CREG1: variants seen among roughly 807,000 people sequenced by gnomAD.
CREG1 encodes the protein protein CREG1.
CREG1 carries 20 observed loss-of-function variants against 19.9 expected under a neutral mutation model. The ratio of observed to expected loss-of-function variants is 1.01; its 90% CI spans 0.71 to 1.46. The LOEUF (loss-of-function observed/expected upper bound fraction) is 1.46. Among genes scored for constraint, CREG1 ranks in the 40% most tolerant of loss-of-function variants. CREG1 has a pLI of 0.00. For missense variants in CREG1, 290 were observed against 314.9 expected (o/e 0.92, Z 0.60); for synonymous variants, 141 against 143.3 (o/e 0.98, Z 0.12).
intron 3 of CREG1, among the ~76,000 whole-genome samples, chr1:167,544,100 T>C (rs926886809): frequency 8.5e-5 from 13 of 152,238 alleles, no homozygotes; most frequent in African/African-American, 2.7e-4. Context: ...TTGTAATTGC[T>C]ACCTCTATAT....
chr1:167,544,070 T>C (rs949561981), intron 3 of CREG1, among the ~76,000 whole-genome samples: 2 of 152,322 alleles, frequency 1.3e-5, no homozygotes, highest in Non-Finnish European at 2.9e-5. Context: ...ATCCTGATAA[T>C]TTGTTGCCAG....
At position 167,553,442 on chromosome 1, in the gene CREG1, G is replaced by A. The variant is rs369733737; in HGVS notation, c.300C>T (p.Ser100=). The A allele has an allele frequency of 5.2e-4, 774 of 1,478,606 alleles. 10 individuals are homozygous for A. The South Asian group carries it at 9.4e-3, about 18-fold the overall frequency. 91.6% of individuals were successfully genotyped at this position (1,478,606 alleles called of 1,614,324 possible). A position where few individuals can be genotyped will look rare whatever the true frequency, so the allele number is the denominator to read the frequency against. ...GGCTCAGGTAGAAATAGGGCACGCC[G>A]CTGCCCGCGCCCGGGGGCCCGTCGC... ...SLSDGPPGAG[S]GVPYFYLSPL... is the part of the protein sequence containing the mutation. The change falls in exon 1 of 4, where the codon AGC becomes AGT. Residue 100 remains serine, a synonymous_variant. Coordinates refer to ENST00000370509, the MANE Select transcript of CREG1 (RefSeq NM_003851.3).
chr1:167,553,550 G>A lies in CREG1; in HGVS notation c.192C>T (p.His64=), dbSNP rs1340800437. 8.2e-6 allele frequency: 12 copies of A among 1,470,810 alleles called. No homozygotes were observed. Among genetic ancestry groups the A allele is most frequent in the South Asian group, 1.3e-5 (1 of 77,710 alleles). 91.1% of individuals were successfully genotyped at this position (1,470,810 alleles called of 1,614,324 possible). A position where few individuals can be genotyped will look rare whatever the true frequency, so the allele number is the denominator to read the frequency against. The change falls in exon 1 of 4, where the codon CAC becomes CAT. Residue 64 remains histidine (H), a synonymous_variant. Transcript: ENST00000370509. ...DAARVARFVT[H]VSDWGALATI... ...TGGCCAGAGCGCCCCAGTCGGAGAC[G>A]TGCGTCACGAAGCGGGCCACGCGCG...
chr1:167,546,028 C>T (rs1656312694), intron 3 of CREG1, 73 bp downstream of exon 3: 1 of 1,328,824 alleles, frequency 7.5e-7, no homozygotes, highest in Non-Finnish European at 1.0e-6. Flanking sequence ...AACGGTTAAA[C>T]CCCCCTTGCC....
intron 2 of CREG1, 55 bp downstream of exon 2, chr1:167,547,947 T>C (rs1489046707): frequency 1.5e-5 from 23 of 1,560,380 alleles, no homozygotes; most frequent in Non-Finnish European, 1.9e-5. Context: ...ATTCTTTCAT[T>C]GTGAATACGA....
At chr1:167,550,953 G>T (rs141438917) in intron 1 of CREG1, among the ~76,000 whole-genome samples, 204 of 152,256 alleles carry the variant, frequency 1.3e-3, no homozygotes, top group African/African-American at 4.7e-3. Context: ...ACAGAAAGGG[G>T]CACATCACAA....
At chr1:167,546,991 A>G (rs1230333698) in intron 2 of CREG1, among the ~76,000 whole-genome samples, 1 of 152,270 alleles carries the variant, frequency 6.6e-6, no homozygotes, top group East Asian at 1.9e-4. Flanking sequence ...AAATGTTTAG[A>G]AACCACATAA....
rs917070585 is a variant in CREG1, at chr1:167,542,168, A to G, written c.*130T>C. On this transcript the variant is annotated 3_prime_UTR_variant, in exon 4 of 4. Transcript: ENST00000370509. Reference sequence around the variant, plus strand: ...AACAAGCAAGTAAACAAGCAAGCAAACAAACCAGCATGTGACAGAAAACTG... The same window carrying G: ...AACAAGCAAGTAAACAAGCAAGCAAGCAAACCAGCATGTGACAGAAAACTG... 42 of 752,940 alleles carry G rather than the reference A, an allele frequency of 5.6e-5. No homozygotes were observed. The highest frequency in any genetic ancestry group is 8.2e-5 in the Non-Finnish European group (40 of 490,510). 46.6% of individuals were successfully genotyped at this position (752,940 alleles called of 1,614,324 possible).
At chr1:167,546,590 C>T (rs1256129827) in intron 2 of CREG1, among the ~76,000 whole-genome samples, 2 of 151,762 alleles carry the variant, frequency 1.3e-5, no homozygotes, top group African/African-American at 4.8e-5. Flanking sequence ...TGCGGTGAGC[C>T]GAGATCGTGC....
chr1:167,542,268 T>C lies in CREG1; in HGVS notation c.*30A>G. ...GTATGAGCCACTTTAAGAAACTTCATAAGTGTTGCTAAATTCACCACAGTC... is the reference window on the plus strand; with the variant it reads ...GTATGAGCCACTTTAAGAAACTTCACAAGTGTTGCTAAATTCACCACAGTC... On this transcript the variant is annotated 3_prime_UTR_variant, in exon 4 of 4. Transcript: ENST00000370509. 1 of 1,595,484 alleles carries C rather than the reference T, an allele frequency of 6.3e-7. No homozygotes were observed. The highest frequency in any genetic ancestry group is 8.5e-7 in the Non-Finnish European group (1 of 1,172,658).
intron 1 of CREG1, among the ~76,000 whole-genome samples, chr1:167,551,531 G>A (rs1031315257): frequency 4.6e-5 from 7 of 152,170 alleles, no homozygotes; most frequent in Non-Finnish European, 1.0e-4. Context: ...CACAGGGTAA[G>A]TCCCTGCACC....
At chr1:167,543,146 C>A (rs540810313) in intron 3 of CREG1, among the ~76,000 whole-genome samples, 3 of 151,812 alleles carry the variant, frequency 2.0e-5, no homozygotes, top group African/African-American at 7.3e-5. Context: ...GCTCAGGAGG[C>A]TGAGGCAGGA....
At chr1:167,547,911 ACT>A (rs1656356303) in intron 2 of CREG1, 89 bp downstream of exon 2, 2 of 1,422,854 alleles carry the variant, frequency 1.4e-6, no homozygotes, top group East Asian at 4.7e-5. Context: ...ACAGAGTGAG[ACT>A]CTGTCTCAAA....
intron 3 of CREG1, among the ~76,000 whole-genome samples, chr1:167,542,859 T>C (rs536754357): frequency 3.9e-5 from 6 of 152,274 alleles, no homozygotes; most frequent in African/African-American, 1.4e-4. Flanking sequence ...CTAGGAAATA[T>C]CCGGATGTGC....
intron 1 of CREG1, among the ~76,000 whole-genome samples, chr1:167,552,270 G>C (rs1225673414): frequency 6.6e-6 from 1 of 152,226 alleles, no homozygotes; most frequent in East Asian, 1.9e-4. Flanking sequence ...ACAACGAATG[G>C]AAGGCAAATG....
intron 2 of CREG1, among the ~76,000 whole-genome samples, chr1:167,547,460 C>T (rs570731930): frequency 1.6e-4 from 25 of 152,328 alleles, no homozygotes; most frequent in African/African-American, 5.8e-4. Flanking sequence ...ATAGTTGTTA[C>T]ATCTGCTTGG....
chr1:167,553,715 C>T lies in CREG1; in HGVS notation c.27G>A (p.Ala9=). The T allele has an allele frequency of 7.7e-7, 1 of 1,294,212 alleles. No individual in the cohort carries two copies. Among genetic ancestry groups the T allele is most frequent in the South Asian group, 2.5e-5 (1 of 40,154 alleles). 80.2% of individuals were successfully genotyped at this position (1,294,212 alleles called of 1,614,324 possible). ...CCAGCAGGGCGGCGAGCAGTGCGCGCGCGGACCCGCGGGATAGCCCGGCCA... is the reference window on the plus strand; with the variant it reads ...CCAGCAGGGCGGCGAGCAGTGCGCGTGCGGACCCGCGGGATAGCCCGGCCA... MAGLSRGS[A]RALLAALLAS... The change falls in exon 1 of 4, where the codon GCG becomes GCA. Residue 9 remains alanine, a synonymous_variant. Coordinates refer to ENST00000370509, the MANE Select transcript of CREG1 (RefSeq NM_003851.3).
intron 3 of CREG1, among the ~76,000 whole-genome samples, chr1:167,545,105 C>T (rs1332185420): frequency 1.3e-5 from 2 of 152,160 alleles, no homozygotes. Context: ...ACCACACATC[C>T]CCATAGGCAT....
At chr1:167,546,878 C>T (rs1283514940) in intron 2 of CREG1, among the ~76,000 whole-genome samples, 2 of 152,218 alleles carry the variant, frequency 1.3e-5, no homozygotes, top group Non-Finnish European at 2.9e-5. Flanking sequence ...ATAACTAGCA[C>T]TAAGTACTGT....
Sources: allele counts gnomAD v4.1 joint callset (sites outside exome capture counted in the v4.1 genomes callset), GRCh38; gene constraint gnomAD v4.1.1; transcripts MANE v1.5; gene names NCBI Gene and HGNC (gene_info 2026-07-23, HGNC 2026-07-21).